TMEM116: variants seen among roughly 807,000 people sequenced by gnomAD.
TMEM116 encodes the protein transmembrane protein 116.
TMEM116 carries 38 observed loss-of-function variants against 44.3 expected under a neutral mutation model. The observed-to-expected ratio is 0.86, with a 90% CI of 0.66 to 1.12. The LOEUF (loss-of-function observed/expected upper bound fraction) is 1.12, where lower values mean the gene tolerates loss of function less well. Ranked by LOEUF, TMEM116 falls within the 50% of genes most tolerant of loss-of-function variation. The pLI, the probability that TMEM116 is intolerant of heterozygous loss-of-function variation, is 0.00. For missense variants in TMEM116, 354 were observed against 401.7 expected, an observed-to-expected ratio of 0.88 and a Z score of 1.01; for synonymous variants, 132 against 144.8, an observed-to-expected ratio of 0.91 and a Z score of 0.64.
chr12:111,953,417 G>A (rs145727953), intron 4 of TMEM116, among the ~76,000 whole-genome samples: 5 of 152,238 alleles, frequency 3.3e-5, no homozygotes, highest in East Asian at 1.9e-4. Context: ...GGAGAAATGC[G>A]AAAATTGTCA....
At chr12:111,961,717 T>C (rs2136391116) in intron 4 of TMEM116, among the ~76,000 whole-genome samples, 1 of 152,336 alleles carries the variant, frequency 6.6e-6, no homozygotes, top group South Asian at 2.1e-4. Flanking sequence ...AATATCATAC[T>C]GAATGGGCAA....
intron 3 of TMEM116, among the ~76,000 whole-genome samples, chr12:112,003,216 C>T (rs1297586669): frequency 6.6e-6 from 1 of 152,202 alleles, no homozygotes; most frequent in African/African-American, 2.4e-5. Context: ...TGGATTCAGA[C>T]AACATTCTGT....
intron 4 of TMEM116, among the ~76,000 whole-genome samples, chr12:111,986,567 T>C (rs1443497697): frequency 1.3e-5 from 2 of 152,140 alleles, no homozygotes; most frequent in African/African-American, 2.4e-5. Flanking sequence ...CCCAGCACTA[T>C]GGAAGTCTAA....
chr12:111,970,168 A>G (rs2075246183), intron 4 of TMEM116, among the ~76,000 whole-genome samples: 1 of 151,882 alleles, frequency 6.6e-6, no homozygotes, highest in Admixed American at 6.6e-5. Context: ...AATCCTAGAT[A>G]CTTGGGAGGC....
intron 9 of TMEM116, among the ~76,000 whole-genome samples, chr12:111,932,931 A>T (rs1252821775): frequency 1.3e-5 from 2 of 152,130 alleles, no homozygotes; most frequent in Non-Finnish European, 2.9e-5. Context: ...AGATTTTCCC[A>T]AGCTCTTTCA....
At chr12:112,001,783 A>T (rs1224307855) in intron 3 of TMEM116, among the ~76,000 whole-genome samples, 1 of 152,242 alleles carries the variant, frequency 6.6e-6, no homozygotes, top group South Asian at 2.1e-4. Flanking sequence ...TTTGGCAGGC[A>T]ATGACAATAC....
At chr12:111,983,683 T>A (rs961734476) in intron 4 of TMEM116, among the ~76,000 whole-genome samples, 1 of 152,084 alleles carries the variant, frequency 6.6e-6, no homozygotes, top group Non-Finnish European at 1.5e-5. Context: ...TAATCAGTAA[T>A]CAAAAAATTT....
intron 3 of TMEM116, among the ~76,000 whole-genome samples, chr12:111,992,670 G>C (rs2076682441): frequency 6.6e-6 from 1 of 152,152 alleles, no homozygotes; most frequent in Admixed American, 6.5e-5. Context: ...TAAAAAGTCA[G>C]TAATACTGAA....
chr12:111,981,235 A>C (rs745574884), intron 4 of TMEM116, among the ~76,000 whole-genome samples: 6 of 152,204 alleles, frequency 3.9e-5, no homozygotes, highest in Non-Finnish European at 7.3e-5. Context: ...CTGGATAAAA[A>C]CCAGTCAAAA....
intron 3 of TMEM116, among the ~76,000 whole-genome samples, chr12:111,994,109 A>G (rs539358048): frequency 5.3e-5 from 8 of 152,342 alleles, no homozygotes; most frequent in South Asian, 2.1e-4. Context: ...TCAGTGTTGA[A>G]GAACGTACAA....
chr12:111,945,749 A>G (rs1403899154), intron 4 of TMEM116, among the ~76,000 whole-genome samples: 2 of 152,210 alleles, frequency 1.3e-5, no homozygotes, highest in African/African-American at 4.8e-5. Context: ...CCTTCTGCTT[A>G]ATCTCATACA....
At chr12:111,964,374 G>A (rs1002659750) in intron 4 of TMEM116, among the ~76,000 whole-genome samples, 2 of 151,396 alleles carry the variant, frequency 1.3e-5, no homozygotes, top group Non-Finnish European at 2.9e-5. Flanking sequence ...CCCGGGAGAT[G>A]GAGGTTGCAG....
chr12:111,933,203 T>G (rs954666424), intron 9 of TMEM116, among the ~76,000 whole-genome samples: 108 of 148,224 alleles, frequency 7.3e-4, no homozygotes, highest in Non-Finnish European at 3.3e-4. Flanking sequence ...ATTGCACCAC[T>G]GCACTCCAGC....
chr12:111,993,494 AG>A (rs2076740539), intron 3 of TMEM116: 4 of 546,574 alleles, frequency 7.3e-6, no homozygotes, highest in South Asian at 1.5e-5. Flanking sequence ...TGCCTCTGCC[AG>A]TGCTGAATTC....
chr12:111,946,503 T>C (rs1427324113), intron 4 of TMEM116, among the ~76,000 whole-genome samples: 1 of 152,238 alleles, frequency 6.6e-6, no homozygotes, highest in East Asian at 1.9e-4. Context: ...AAGGCGCAGA[T>C]CGCTCAGGAT....
At chr12:111,978,478 T>C (rs562695125) in intron 4 of TMEM116, among the ~76,000 whole-genome samples, 10 of 152,294 alleles carry the variant, frequency 6.6e-5, no homozygotes, top group African/African-American at 2.2e-4. Context: ...AAAGAGGATG[T>C]ACAGAGATAT....
chr12:111,980,652 T>C (rs951263841), intron 4 of TMEM116, among the ~76,000 whole-genome samples: 2 of 152,306 alleles, frequency 1.3e-5, no homozygotes, highest in East Asian at 1.9e-4. Flanking sequence ...GGGGAAACTT[T>C]GGGAACTAGG....
chr12:111,948,570 A>C (rs2073460389), intron 4 of TMEM116, among the ~76,000 whole-genome samples: 2 of 152,210 alleles, frequency 1.3e-5, no homozygotes, highest in Non-Finnish European at 2.9e-5. Context: ...AGAGCATCTC[A>C]AACTTGGTAC....
intron 3 of TMEM116, among the ~76,000 whole-genome samples, chr12:111,998,281 T>C (rs1488978536): frequency 1.3e-5 from 2 of 152,182 alleles, no homozygotes; most frequent in Admixed American, 6.5e-5. Context: ...AACTACAAGA[T>C]CAAACTGGTC....
Sources: gnomAD v4.1 joint callset for allele counts (sites outside exome capture counted in the v4.1 genomes callset) on GRCh38, gnomAD v4.1.1 for gene constraint, MANE v1.5 for transcripts, NCBI Gene and HGNC (gene_info 2026-07-23, HGNC 2026-07-21) for gene names.